POLG: variants seen among roughly 807,000 people sequenced by gnomAD.
POLG encodes DNA polymerase gamma, catalytic subunit.
A neutral mutation model predicts 155.4 loss-of-function variants in POLG; 110 were observed. The ratio of observed to expected loss-of-function variants is 0.71; its 90% CI spans 0.61 to 0.83. The LOEUF (loss-of-function observed/expected upper bound fraction) is 0.83, where lower values mean the gene tolerates loss of function less well. Ranked by LOEUF, POLG falls within the 40% of genes least tolerant of loss-of-function variation. The probability of loss-of-function intolerance (pLI) is 0.00; values close to 1 mark genes in which losing one functional copy is unlikely to be tolerated. For missense variants in POLG, 1,685 were observed against 1,627.5 expected (o/e 1.04, Z -0.61); for synonymous variants, 701 against 631.5 (o/e 1.11, Z -1.65).
intron 21 of POLG, chr15:89,317,879 AGAT>A (rs2055325338): frequency 2.7e-6 from 1 of 370,978 alleles, no homozygotes; most frequent in South Asian, 2.3e-5. Flanking sequence ...AACCTCCCGG[AGAT>A]GATGATTAAG....
At chr15:89,329,574 G>A (rs1387813662) in intron 3 of POLG, among the ~76,000 whole-genome samples, 2 of 152,180 alleles carry the variant, frequency 1.3e-5, no homozygotes, top group Admixed American at 1.3e-4. Flanking sequence ...TAGGGCTGTT[G>A]TGAAGATCCA....
chr15:89,331,881 G>A (rs544195290), intron 2 of POLG, among the ~76,000 whole-genome samples: 1 of 151,742 alleles, frequency 6.6e-6, no homozygotes, highest in Admixed American at 6.6e-5. Flanking sequence ...GAGTACCACT[G>A]GCAAGAATGG....
chr15:89,321,424 T>C (rs1005938798), intron 16 of POLG, among the ~76,000 whole-genome samples, 164 bp from the exon 17 acceptor site: 10 of 152,160 alleles, frequency 6.6e-5, no homozygotes, highest in African/African-American at 1.4e-4. Flanking sequence ...CTATCAGCAA[T>C]TGGTGTGACA....
intron 7 of POLG, 36 bp downstream of exon 7, chr15:89,327,131 C>T: frequency 6.2e-7 from 1 of 1,614,108 alleles, no homozygotes; most frequent in Non-Finnish European, 8.5e-7. Context: ...CCTGCCAGTC[C>T]CCTGCCTAGA....
chr15:89,318,511 G>T, intron 21 of POLG, 30 bp downstream of exon 21: 1 of 1,596,556 alleles, frequency 6.3e-7, no homozygotes. Context: ...GGAGCACATG[G>T]CCAGGCTAGA....
chr15:89,325,107 A>AGAGAGAGTGAGTGAGTGAGT lies in POLG; in HGVS notation c.1949+323_1949+342dup, dbSNP rs2055469590. ...GAGAGAGTGAGTGAGTGAGAGAGTGAGAGAGAGTGAGTGAGTGAGTGAGAG... is the reference window on the plus strand; with the variant it reads ...GAGAGAGTGAGTGAGTGAGAGAGTGAGAGAGAGTGAGTGAGTGAGTGAGAGAGTGAGTGAGTGAGTGAGAG... On this transcript the variant is annotated intron_variant, in intron 10 of 22. Transcript: ENST00000268124. 1.1e-4 allele frequency among the ~76,000 whole-genome samples: 4 copies of AGAGAGAGTGAGTGAGTGAGT among 36,666 alleles called. 1 individual carries two copies. The highest frequency in any genetic ancestry group is 1.4e-3 in the East Asian group (2 of 1,386). The allele number at this position is 36,666 out of a possible 152,430, so 24.1% of individuals were successfully genotyped here.
Position 89,325,239 on chromosome 15 carries a change from TGAGTGAGTGAGAGAGA to T in POLG, c.1949+195_1949+210del, listed in dbSNP as rs1172363173. On this transcript the variant is annotated intron_variant, in intron 10 of 22. Transcript: ENST00000268124. ...GTGAGTGAGAGAGTGAGTGAGAGAG[TGAGTGAGTGAGAGAGA>T]GAGTGAGTGAGTGAGTGAGAGAGAG... Among the ~76,000 whole-genome samples, 24 of 80,538 alleles carry T rather than the reference TGAGTGAGTGAGAGAGA, an allele frequency of 3.0e-4. 4 individuals are homozygous for T. Among genetic ancestry groups the T allele is most frequent in the Middle Eastern group, 6.0e-3 (1 of 168 alleles). 52.8% of individuals were successfully genotyped at this position (80,538 alleles called of 152,430 possible).
intron 12 of POLG, 42 bp downstream of exon 12, chr15:89,323,773 C>G: frequency 6.7e-7 from 1 of 1,502,228 alleles, no homozygotes; most frequent in Non-Finnish European, 9.3e-7. Context: ...GCCCTTTCCA[C>G]CCAGCACCCA....
intron 9 of POLG, among the ~76,000 whole-genome samples, chr15:89,326,198 C>T (rs1039326288): frequency 5.9e-5 from 9 of 152,174 alleles, no homozygotes; most frequent in African/African-American, 1.9e-4. Context: ...TCTCTGCCAC[C>T]CTATGAGGCT....
At chr15:89,318,249 A>G (rs2055333787) in intron 21 of POLG, among the ~76,000 whole-genome samples, 1 of 152,240 alleles carries the variant, frequency 6.6e-6, no homozygotes. Context: ...TTTTCCAAAT[A>G]GAAAAGCGTG....
chr15:89,317,313 A>C, intron 22 of POLG, 63 bp downstream of exon 22: 1 of 1,549,432 alleles, frequency 6.5e-7, no homozygotes. Flanking sequence ...CTGTTCTCCA[A>C]GACCCACTTT....
chr15:89,318,045 A>C (rs2055328128), intron 21 of POLG: 1 of 277,380 alleles, frequency 3.6e-6, no homozygotes, highest in Non-Finnish European at 7.1e-6. Flanking sequence ...TTACTACAAG[A>C]AAATACAACT....
rs746650160 is a variant in POLG, at chr15:89,323,398, A to T, written c.2265+6T>A. 1.6e-5 allele frequency: 26 copies of T among 1,589,072 alleles called. No individual in the cohort carries two copies. In the Middle Eastern group the frequency reaches 5.0e-4, roughly 30 times the overall value. On this transcript the variant is annotated splice_donor_region_variant and intron_variant, in intron 13 of 22. Coordinates refer to ENST00000268124, the MANE Select transcript of POLG (RefSeq NM_002693.3). ...ACCACAGGACAGGCCATGACCCAGG[A>T]CACACCTTGTGAGGCAGCTTGAAAA...
chr15:89,330,090 G>A lies in POLG; in HGVS notation c.846C>T (p.Tyr282=). The A allele has an allele frequency of 6.2e-7, 1 of 1,613,972 alleles. No individual in the cohort carries two copies. The highest frequency in any genetic ancestry group is 1.3e-5 in the African/African-American group (1 of 75,050). ...GCCCCAGGAACCTTACCTGGATCAG[G>A]TACTGCTCCCTGATATGAGCTCGGT... is the stretch of plus-strand genomic sequence containing the variant. ...SFDRAHIREQ[Y]LIQGSRMRFL... is the part of the protein sequence containing the mutation. Residue 282 remains tyrosine, a synonymous_variant, in exon 3 of 23, where the codon TAC becomes TAT. Coordinates refer to ENST00000268124, the MANE Select transcript of POLG (RefSeq NM_002693.3).
In POLG at chr15:89,321,997, C is replaced by G. The variant is rs770829807; in HGVS notation, c.2445G>C (p.Trp815Cys). 1 of 1,614,138 alleles carries G rather than the reference C, an allele frequency of 6.2e-7. No homozygotes were observed. Among genetic ancestry groups the G allele is most frequent in the Admixed American group, 1.7e-5 (1 of 60,026 alleles). ...CACGGGGCAGAGCTGACCTGGGCAG[C>G]CACACCACCATCTGGGAGCTGTGGG... ...HKRISSQMVV[W>C]LPRSALPRAV... Residue 815 changes from tryptophan to cysteine, a missense_variant, in exon 15 of 23, where the codon TGG becomes TGC. By Grantham distance (215) the Trp-to-Cys change is radical. Transcript: ENST00000268124.
chr15:89,323,889 C>T lies in POLG; in HGVS notation c.2083G>A (p.Asp695Asn). The part of the protein sequence containing the change: ...SAIWQTVEEL[D>N]YLEVEAEAKM... ...GCCTCAGCCTCCACTTCTAAGTAAT[C>T]CAGTTCTTCTACCTGGAGCAGTCCA... Residue 695 changes from aspartate to asparagine, a missense_variant, in exon 12 of 23, where the codon GAT (aspartate) becomes AAT (asparagine). By Grantham distance (23) the Asp-to-Asn change is conservative. Coordinates refer to ENST00000268124, the MANE Select transcript of POLG (RefSeq NM_002693.3). 1 of 1,613,798 alleles carries T rather than the reference C, an allele frequency of 6.2e-7. No homozygotes were observed. Among genetic ancestry groups the T allele is most frequent in the African/African-American group, 1.3e-5 (1 of 75,046 alleles).
At chr15:89,318,380 A>G (rs1288464816) in intron 21 of POLG, among the ~76,000 whole-genome samples, 161 bp downstream of exon 21, 1 of 152,142 alleles carries the variant, frequency 6.6e-6, no homozygotes, top group African/African-American at 2.4e-5. Flanking sequence ...TCTTTTTAGG[A>G]CTTCTACAAC....
In POLG at chr15:89,318,946, C is replaced by G. The variant is rs763312940; in HGVS notation, c.3258G>C (p.Ser1086=). 1 of 1,614,128 alleles carries G rather than the reference C, an allele frequency of 6.2e-7. No individual in the cohort carries two copies. The change falls in exon 20 of 23, where the codon TCG becomes TCC. Residue 1086 remains serine, a synonymous_variant. Transcript: ENST00000268124. ...AGCAAGATACCTCTTCCTGGACAGC[C>G]GAGGGCTCCAGGGCTCGGCTGATGC... is the stretch of plus-strand genomic sequence containing the variant. ...GCCISRALEP[S]AVQEEFMTSR...
At chr15:89,317,577 T>C in intron 21 of POLG, 41 bp from the exon 22 acceptor site, 1 of 1,589,334 alleles carries the variant, frequency 6.3e-7, no homozygotes, top group Non-Finnish European at 8.6e-7. Context: ...ATGCCCCTCC[T>C]GTGAACAGAT....
Sources: gnomAD v4.1 joint callset for allele counts (sites outside exome capture counted in the v4.1 genomes callset) on GRCh38, gnomAD v4.1.1 for gene constraint, MANE v1.5 for transcripts, NCBI Gene and HGNC (gene_info 2026-07-23, HGNC 2026-07-21) for gene names.